Variants in ZMYND11 observed in about 807,000 individuals in gnomAD.
ZMYND11 encodes the protein zinc finger MYND domain-containing protein 11.
ZMYND11 carries 9 observed loss-of-function variants against 84.9 expected under a neutral mutation model. The observed-to-expected ratio is 0.11, with a 90% CI of 0.06 to 0.18. The LOEUF (loss-of-function observed/expected upper bound fraction) is 0.18, where lower values mean the gene tolerates loss of function less well. Among genes scored for constraint, ZMYND11 ranks in the 10% least tolerant of loss-of-function variants. The pLI, the probability that ZMYND11 is intolerant of heterozygous loss-of-function variation, is 1.00. For synonymous variants in ZMYND11, 250 were observed against 244.1 expected (o/e 1.02, Z -0.23); for missense variants, 409 against 761.0 (o/e 0.54, Z 5.44).
At position 167,111 on chromosome 10, in the gene ZMYND11, A is replaced by G. The variant is rs116298734; in HGVS notation, c.-19-12883A>G. Reference sequence around the variant, plus strand: ...AGCAGAGAATGGGGAAGTATTATTTAATGGTCTGTAGTTTGGGGTGATAAA... The same window carrying G: ...AGCAGAGAATGGGGAAGTATTATTTGATGGTCTGTAGTTTGGGGTGATAAA... On this transcript the variant is annotated intron_variant, in intron 1 of 14. Coordinates refer to ENST00000381604, the MANE Select transcript of ZMYND11 (RefSeq NM_001370100.5). Among the ~76,000 whole-genome samples, 1,166 of 152,180 alleles carry G rather than the reference A, an allele frequency of 7.7e-3. 12 individuals are homozygous for G. The highest frequency in any genetic ancestry group is 0.026 in the African/African-American group (1,084 of 41,544).
chr10:131,383 C>A (rs1378890589), upstream of ZMYND11, among the ~76,000 whole-genome samples: 1 of 152,158 alleles, frequency 6.6e-6, no homozygotes, highest in Non-Finnish European at 1.5e-5. Flanking sequence ...TGAAGAGATG[C>A]CCGGAGCCTG....
intron 1 of ZMYND11, among the ~76,000 whole-genome samples, chr10:154,566 G>C (rs1554758136): frequency 6.6e-6 from 1 of 152,182 alleles, no homozygotes; most frequent in African/African-American, 2.4e-5. Flanking sequence ...ATGCATGTCT[G>C]AGGTCATATG....
At chr10:136,451 T>A (rs1836089372) in intron 1 of ZMYND11, among the ~76,000 whole-genome samples, 1 of 152,114 alleles carries the variant, frequency 6.6e-6, no homozygotes, top group African/African-American at 2.4e-5. Context: ...ATATATGGTG[T>A]GTACTCTGTG....
At chr10:169,642 C>T (rs1232531602) in intron 1 of ZMYND11, among the ~76,000 whole-genome samples, 3 of 152,008 alleles carry the variant, frequency 2.0e-5, no homozygotes, top group Admixed American at 6.6e-5. Context: ...ACTAACAGAC[C>T]GTAAAAAGCC....
At chr10:130,847 G>C (rs1369146315), upstream of ZMYND11, among the ~76,000 whole-genome samples, 3 of 151,950 alleles carry the variant, frequency 2.0e-5, no homozygotes, top group Non-Finnish European at 4.4e-5. Context: ...GGCCGGGCAC[G>C]GTGGCTCGCG....
In ZMYND11 at chr10:203,350, A is replaced by T. The variant is rs181274559; in HGVS notation, c.117-6539A>T. Reference sequence around the variant, plus strand: ...ACTATATAAAATAAAATTCCATTTTAAAAAAAAACAGTAAATGTAAAATAT... The same window carrying T: ...ACTATATAAAATAAAATTCCATTTTTAAAAAAAACAGTAAATGTAAAATAT... On this transcript the variant is annotated intron_variant, in intron 2 of 14. Transcript: ENST00000381604. Among the ~76,000 whole-genome samples the T allele has an allele frequency of 3.9e-3, 587 of 151,696 alleles. 3 individuals carry two copies. Among genetic ancestry groups the T allele is most frequent in the African/African-American group, 0.013 (549 of 41,386 alleles).
chr10:222,250 T>C (rs1307455898), intron 4 of ZMYND11, among the ~76,000 whole-genome samples: 1 of 152,212 alleles, frequency 6.6e-6, no homozygotes, highest in Non-Finnish European at 1.5e-5. Context: ...TCTCTGGCAT[T>C]AGTCGAAAAT....
chr10:202,409 T>G (rs1257979162), intron 2 of ZMYND11, among the ~76,000 whole-genome samples: 5 of 152,194 alleles, frequency 3.3e-5, no homozygotes, highest in African/African-American at 1.2e-4. Context: ...GACATTACTT[T>G]ATGAGCTTGT....
chr10:218,593 C>G, intron 3 of ZMYND11: 2 of 253,598 alleles, frequency 7.9e-6, no homozygotes, highest in Non-Finnish European at 1.7e-5. Context: ...TTAGTTAACT[C>G]TTGCTAGATT....
intron 1 of ZMYND11, among the ~76,000 whole-genome samples, chr10:151,258 A>G (rs1201078327): frequency 1.3e-5 from 2 of 152,200 alleles, no homozygotes; most frequent in African/African-American, 4.8e-5. Context: ...CAGACGATCA[A>G]ACTTCTCCAA....
At chr10:156,853 A>G (rs1479511642) in intron 1 of ZMYND11, among the ~76,000 whole-genome samples, 1 of 152,152 alleles carries the variant, frequency 6.6e-6, no homozygotes, top group Non-Finnish European at 1.5e-5. Context: ...TACAAACAAA[A>G]AATACCTTTC....
chr10:143,741 A>ACAATACTT (rs1444528036), intron 1 of ZMYND11, among the ~76,000 whole-genome samples: 8 of 152,302 alleles, frequency 5.3e-5, no homozygotes, highest in African/African-American at 1.9e-4. Context: ...CTTTTATTTC[A>ACAATACTT]CAATACTTAT....
intron 1 of ZMYND11, among the ~76,000 whole-genome samples, chr10:177,080 G>A (rs1415928800): frequency 2.0e-5 from 3 of 152,162 alleles, no homozygotes; most frequent in African/African-American, 7.2e-5. Context: ...CTGGATGAGA[G>A]AAGGATTTTT....
At chr10:230,347 C>T (rs1255886230) in intron 4 of ZMYND11, among the ~76,000 whole-genome samples, 1 of 151,972 alleles carries the variant, frequency 6.6e-6, no homozygotes, top group African/African-American at 2.4e-5. Context: ...CTGGTGCGTG[C>T]CTGTAGTCCC....
chr10:147,916 T>G (rs1310354222), intron 1 of ZMYND11: 1 of 152,162 alleles, frequency 6.6e-6, no homozygotes, highest in Non-Finnish European at 1.5e-5. Context: ...TGTCCTGTAG[T>G]CAGCTCTCCA....
chr10:218,336 T>A (rs112651744), intron 3 of ZMYND11: 1 of 171,260 alleles, frequency 5.8e-6, no homozygotes, highest in Non-Finnish European at 1.4e-5. Flanking sequence ...ATAGTATAAG[T>A]CATATAGGAA....
At chr10:214,233 G>GA (rs1945774441) in intron 3 of ZMYND11, among the ~76,000 whole-genome samples, 1 of 152,072 alleles carries the variant, frequency 6.6e-6, no homozygotes, top group Non-Finnish European at 1.5e-5. Context: ...ATGGTAGAAT[G>GA]AAAAAAGTAA....
At chr10:181,598 A>G (rs1488003920) in intron 2 of ZMYND11, among the ~76,000 whole-genome samples, 2 of 152,180 alleles carry the variant, frequency 1.3e-5, no homozygotes, top group African/African-American at 4.8e-5. Flanking sequence ...CAACCTGGGT[A>G]ACAGTGAGAC....
intron 7 of ZMYND11, 78 bp from the exon 8 acceptor site, chr10:239,978 C>CTGAAAGAAAA: frequency 7.7e-7 from 1 of 1,294,894 alleles, no homozygotes; most frequent in Non-Finnish European, 1.1e-6. Context: ...CTTTTGCAAA[C>CTGAAAGAAAA]TGAAAGAAAA....
Sources: allele counts gnomAD v4.1 joint callset (sites outside exome capture counted in the v4.1 genomes callset), GRCh38; gene constraint gnomAD v4.1.1; transcripts MANE v1.5; gene names NCBI Gene and HGNC (gene_info 2026-07-23, HGNC 2026-07-21).